The following PPM1L variants were observed in gnomAD, a reference collection of about 807,000 sequenced individuals.
The protein encoded by PPM1L is protein phosphatase 1L.
A neutral mutation model predicts 31.4 loss-of-function variants in PPM1L; 13 were observed. The observed-to-expected ratio is 0.41, with a 90% CI of 0.27 to 0.66. The LOEUF is 0.66. Ranked by LOEUF, PPM1L falls within the 30% of genes least tolerant of loss-of-function variation. PPM1L has a pLI of 0.29. For synonymous variants in PPM1L, 184 were observed against 175.4 expected, an observed-to-expected ratio of 1.05 and a Z score of -0.39; for missense variants, 326 against 453.7, an observed-to-expected ratio of 0.72 and a Z score of 2.56.
At chr3:160,924,704 G>A (rs1279707482) in intron 1 of PPM1L, among the ~76,000 whole-genome samples, 1 of 152,186 alleles carries the variant, frequency 6.6e-6, no homozygotes, top group Non-Finnish European at 1.5e-5. Context: ...CAATCTCAAT[G>A]TAATATATAG....
At chr3:160,902,849 A>G (rs531305751) in intron 1 of PPM1L, among the ~76,000 whole-genome samples, 1 of 152,228 alleles carries the variant, frequency 6.6e-6, no homozygotes, top group South Asian at 2.1e-4. Context: ...ACCCATTAAG[A>G]TGTTTATCTA....
chr3:160,973,961 G>A (rs574447603), intron 2 of PPM1L, among the ~76,000 whole-genome samples: 10 of 148,282 alleles, frequency 6.7e-5, no homozygotes, highest in South Asian at 4.3e-4. Context: ...ATGCTGGTGC[G>A]CTGGACCCAC....
At chr3:161,041,849 C>T (rs989322500) in intron 2 of PPM1L, among the ~76,000 whole-genome samples, 1 of 152,158 alleles carries the variant, frequency 6.6e-6, no homozygotes, top group Non-Finnish European at 1.5e-5. Flanking sequence ...AAAGCTTTGA[C>T]ATTTCTTAAT....
intron 1 of PPM1L, among the ~76,000 whole-genome samples, chr3:160,961,498 G>A (rs1229037012): frequency 6.6e-6 from 1 of 152,094 alleles, no homozygotes; most frequent in East Asian, 1.9e-4. Flanking sequence ...ATCTAACCAA[G>A]TCTATCATCT....
intron 1 of PPM1L, among the ~76,000 whole-genome samples, chr3:160,794,419 T>G (rs182850651): frequency 6.6e-6 from 1 of 152,296 alleles, no homozygotes; most frequent in Non-Finnish European, 1.5e-5. Flanking sequence ...TAGCTTCCAG[T>G]CATACGCAAA....
intron 1 of PPM1L, among the ~76,000 whole-genome samples, chr3:160,853,716 T>C (rs1711593653): frequency 6.6e-6 from 1 of 152,118 alleles, no homozygotes; most frequent in Non-Finnish European, 1.5e-5. Flanking sequence ...TTATTTGGGG[T>C]TGAAATTTTA....
At chr3:161,040,416 C>A (rs1311566860) in intron 2 of PPM1L, among the ~76,000 whole-genome samples, 1 of 152,054 alleles carries the variant, frequency 6.6e-6, no homozygotes, top group African/African-American at 2.4e-5. Context: ...AATTTAAGAT[C>A]CTTAAGGGTG....
chr3:160,813,490 C>T (rs534213331), intron 1 of PPM1L, among the ~76,000 whole-genome samples: 1 of 152,196 alleles, frequency 6.6e-6, no homozygotes, highest in African/African-American at 2.4e-5. Flanking sequence ...CAGGTGCGTG[C>T]CACCATGCCC....
chr3:161,011,896 A>G (rs970114617), intron 2 of PPM1L, among the ~76,000 whole-genome samples: 8 of 152,202 alleles, frequency 5.3e-5, no homozygotes, highest in African/African-American at 9.7e-5. Context: ...GAAGTTGCCT[A>G]TCAGCTTAAG....
rs563556884 is a variant in PPM1L, at chr3:161,036,929, A to T, written c.575-28474A>T. On this transcript the variant is annotated intron_variant, in intron 2 of 3. Coordinates refer to ENST00000498165, the MANE Select transcript of PPM1L (RefSeq NM_139245.4). The stretch of plus-strand genomic sequence containing the variant: ...TTTGTATCTAACAAGTTCTCTAGGA[A>T]GCCTCTCATTTTTGAATCGTAAAAA... 3.6e-3 allele frequency among the ~76,000 whole-genome samples: 543 copies of T among 152,318 alleles called. 3 individuals are homozygous for T. Among genetic ancestry groups the T allele is most frequent in the Admixed American group, 5.9e-3 (90 of 15,298 alleles).
chr3:161,038,182 C>A (rs1004853099), intron 2 of PPM1L, among the ~76,000 whole-genome samples: 2 of 137,558 alleles, frequency 1.5e-5, no homozygotes, highest in Admixed American at 1.6e-4. Flanking sequence ...TGCAGTGAGC[C>A]GAGATCCCGC....
intron 2 of PPM1L, among the ~76,000 whole-genome samples, chr3:161,061,670 A>G (rs1417936281): frequency 6.6e-6 from 1 of 152,236 alleles, no homozygotes; most frequent in Admixed American, 6.5e-5. Flanking sequence ...GACTTAAAGT[A>G]TACAAGAGGA....
intron 1 of PPM1L, among the ~76,000 whole-genome samples, chr3:160,825,086 C>T (rs907218237): frequency 6.6e-6 from 1 of 152,190 alleles, no homozygotes; most frequent in Non-Finnish European, 1.5e-5. Context: ...AGCTCAGCCA[C>T]GTGTAACATC....
intron 1 of PPM1L, among the ~76,000 whole-genome samples, chr3:160,927,253 C>G (rs1309720507): frequency 2.6e-5 from 4 of 152,196 alleles, no homozygotes; most frequent in Admixed American, 2.6e-4. Context: ...TAACCAGAAG[C>G]TCTCTCAAGA....
intron 2 of PPM1L, among the ~76,000 whole-genome samples, chr3:161,019,350 T>C (rs564302936): frequency 6.7e-6 from 1 of 150,270 alleles, no homozygotes; most frequent in East Asian, 1.9e-4. Flanking sequence ...TGCGCCACCA[T>C]GCCTGGCTGA....
At chr3:160,900,568 T>C (rs546589872) in intron 1 of PPM1L, among the ~76,000 whole-genome samples, 2 of 152,252 alleles carry the variant, frequency 1.3e-5, no homozygotes, top group East Asian at 3.9e-4. Flanking sequence ...TCAAGTGTTT[T>C]ATGGAAATAA....
chr3:160,838,292 T>C (rs1309748860), intron 1 of PPM1L, among the ~76,000 whole-genome samples: 1 of 152,202 alleles, frequency 6.6e-6, no homozygotes, highest in Non-Finnish European at 1.5e-5. Flanking sequence ...AGTAAGTTTG[T>C]TCCTGATGAG....
At chr3:160,846,459 T>C (rs1268834002) in intron 1 of PPM1L, among the ~76,000 whole-genome samples, 4 of 152,182 alleles carry the variant, frequency 2.6e-5, no homozygotes, top group African/African-American at 9.6e-5. Flanking sequence ...AGTTTTCCAG[T>C]CATGCTTTAT....
At chr3:160,909,791 G>A (rs1029361918) in intron 1 of PPM1L, among the ~76,000 whole-genome samples, 3 of 152,144 alleles carry the variant, frequency 2.0e-5, no homozygotes, top group South Asian at 2.1e-4. Flanking sequence ...AGAACAATGC[G>A]ACATTAAGAA....
Sources: allele counts gnomAD v4.1 joint callset (sites outside exome capture counted in the v4.1 genomes callset), GRCh38; gene constraint gnomAD v4.1.1; transcripts MANE v1.5; gene names NCBI Gene and HGNC (gene_info 2026-07-23, HGNC 2026-07-21).